CADM1: variants seen among roughly 807,000 people sequenced by gnomAD.
CADM1 encodes cell adhesion molecule 1, also known as TSLC-1.
Under a neutral mutation model 53.1 loss-of-function variants are expected in CADM1, and 15 were observed. The observed-to-expected ratio is 0.28, with a 90% CI of 0.19 to 0.44. The LOEUF (loss-of-function observed/expected upper bound fraction) is 0.44. Ranked by LOEUF, CADM1 falls within the 20% of genes least tolerant of loss-of-function variation. CADM1 has a pLI of 1.00. For synonymous variants in CADM1, 281 were observed against 243.0 expected (o/e 1.16, Z -1.45); for missense variants, 434 against 611.3 (o/e 0.71, Z 3.06).
chr11:115,316,380 T>C (rs772211009), intron 1 of CADM1, among the ~76,000 whole-genome samples: 1 of 152,138 alleles, frequency 6.6e-6, no homozygotes, highest in Non-Finnish European at 1.5e-5. Context: ...TCTGTTCACC[T>C]TGTTCAGCTT....
chr11:115,211,662 T>G (rs1466742087), intron 7 of CADM1, among the ~76,000 whole-genome samples: 4 of 150,650 alleles, frequency 2.7e-5, no homozygotes, highest in Admixed American at 1.3e-4. Context: ...GTATTTTTTT[T>G]TTTTTTTTAG....
At chr11:115,410,098 A>G (rs1030044615) in intron 1 of CADM1, among the ~76,000 whole-genome samples, 1 of 152,244 alleles carries the variant, frequency 6.6e-6, no homozygotes, top group Non-Finnish European at 1.5e-5. Flanking sequence ...CCCTTGGGCC[A>G]TCCCCAACAT....
rs1438531526 is a variant in CADM1 at position 115,231,606 on chromosome 11, G to A, written c.425-116C>T. 9 of 941,974 alleles carry A rather than the reference G, an allele frequency of 9.6e-6. No homozygotes were observed. In the East Asian group the frequency reaches 9.7e-5, roughly 10 times the overall value. 58.4% of individuals were successfully genotyped at this position (941,974 alleles called of 1,614,324 possible). On this transcript the variant is annotated intron_variant, in intron 3 of 11. Transcript: ENST00000331581. ...GGGAATTTAAATCATCACAAGAGGC[G>A]AAAAAGAAATACAAAGTAATCATCA...
At chr11:115,349,142 CCTTT>C (rs1241390358) in intron 1 of CADM1, among the ~76,000 whole-genome samples, 1 of 152,136 alleles carries the variant, frequency 6.6e-6, no homozygotes, top group Non-Finnish European at 1.5e-5. Flanking sequence ...ATGTGTCGCT[CCTTT>C]CTAAGTTCAA....
At chr11:115,437,374 C>A (rs1948207760) in intron 1 of CADM1, among the ~76,000 whole-genome samples, 1 of 152,184 alleles carries the variant, frequency 6.6e-6, no homozygotes, top group African/African-American at 2.4e-5. Context: ...GAGTCCAATT[C>A]TCTCTGGACT....
At chr11:115,435,614 T>C (rs1948166799) in intron 1 of CADM1, among the ~76,000 whole-genome samples, 1 of 152,076 alleles carries the variant, frequency 6.6e-6, no homozygotes, top group Admixed American at 6.6e-5. Flanking sequence ...GTGCCTATAG[T>C]CCCAGCTACT....
rs555064256 is a variant in CADM1, at chr11:115,248,474, A to G, written c.125-8054T>C. 6.6e-5 allele frequency among the ~76,000 whole-genome samples: 10 copies of G among 152,346 alleles called. No homozygotes were observed. The South Asian group carries it at 1.0e-3, about 16-fold the overall frequency. ...TTCTCTCTATAGAATGTTTATGCGG[A>G]GTGACACCCATCCACTAAACTTGAA... On this transcript the variant is annotated intron_variant, in intron 1 of 11. Transcript: ENST00000331581.
chr11:115,386,711 A>T (rs1946707545), intron 1 of CADM1, among the ~76,000 whole-genome samples: 1 of 48 alleles, frequency 0.021, no homozygotes, highest in Admixed American at 0.12. Flanking sequence ...TCATGAGGGC[A>T]GAGCCTCATG....
chr11:115,347,464 A>C (rs1392492762), intron 1 of CADM1, among the ~76,000 whole-genome samples: 1 of 152,196 alleles, frequency 6.6e-6, no homozygotes, highest in African/African-American at 2.4e-5. Context: ...TCCTTGAGAA[A>C]GGAGGCCATT....
intron 1 of CADM1, among the ~76,000 whole-genome samples, chr11:115,260,119 G>A (rs909564558): frequency 6.6e-5 from 10 of 151,976 alleles, no homozygotes; most frequent in East Asian, 1.9e-4. Context: ...GTTTAGAGAC[G>A]GGGTCTGTCT....
chr11:115,284,756 A>T (rs1943687355), intron 1 of CADM1, among the ~76,000 whole-genome samples: 1 of 152,190 alleles, frequency 6.6e-6, no homozygotes, highest in African/African-American at 2.4e-5. Context: ...TTAAAGTCAA[A>T]GGTATTATGT....
intron 1 of CADM1, among the ~76,000 whole-genome samples, chr11:115,450,610 G>T (rs574758534): frequency 2.0e-5 from 3 of 152,282 alleles, no homozygotes; most frequent in East Asian, 1.9e-4. Flanking sequence ...ATGAGAAAAC[G>T]TATTTTTCAT....
intron 1 of CADM1, among the ~76,000 whole-genome samples, chr11:115,288,715 T>C (rs970893539): frequency 6.6e-6 from 1 of 152,232 alleles, no homozygotes; most frequent in African/African-American, 2.4e-5. Context: ...GCCCTGTCAC[T>C]GTTTGACCCT....
At chr11:115,371,355 ACAT>A (rs1334361780) in intron 1 of CADM1, among the ~76,000 whole-genome samples, 1 of 152,144 alleles carries the variant, frequency 6.6e-6, no homozygotes, top group Non-Finnish European at 1.5e-5. Context: ...AAGTGGTATA[ACAT>A]CATTTGCAAG....
chr11:115,455,201 G>A (rs940209426), intron 1 of CADM1, among the ~76,000 whole-genome samples: 16 of 151,942 alleles, frequency 1.1e-4, no homozygotes, highest in Non-Finnish European at 1.8e-4. Context: ...GGTTTCCTTC[G>A]TTTCCAACCA....
At chr11:115,375,623 A>G (rs1272804594) in intron 1 of CADM1, among the ~76,000 whole-genome samples, 7 of 152,214 alleles carry the variant, frequency 4.6e-5, no homozygotes, top group Non-Finnish European at 8.8e-5. Flanking sequence ...TAAGAAAGGT[A>G]TGGACATTAA....
intron 1 of CADM1, chr11:115,363,542 G>T (rs184930012): frequency 4.3e-4 from 65 of 152,290 alleles, no homozygotes; most frequent in African/African-American, 1.4e-3. Context: ...ACTAAGTTAA[G>T]AATAATAGAA....
chr11:115,282,623 T>A (rs1294686847), intron 1 of CADM1, among the ~76,000 whole-genome samples: 1 of 152,184 alleles, frequency 6.6e-6, no homozygotes, highest in Non-Finnish European at 1.5e-5. Flanking sequence ...GGAGCTGTGA[T>A]GGGAGGACCA....
intron 1 of CADM1, among the ~76,000 whole-genome samples, chr11:115,485,892 T>C (rs527621177): frequency 6.6e-6 from 1 of 152,356 alleles, no homozygotes; most frequent in South Asian, 2.1e-4. Flanking sequence ...TAAACATTTC[T>C]ACCTGAATGT....
Sources: allele counts gnomAD v4.1 joint callset (sites outside exome capture counted in the v4.1 genomes callset), GRCh38; gene constraint gnomAD v4.1.1; transcripts MANE v1.5; gene names NCBI Gene and HGNC (gene_info 2026-07-23, HGNC 2026-07-21).